Variants in RARA observed in about 807,000 individuals in gnomAD.
The protein encoded by RARA is PML-DDX5-RARA fusion.
In RARA, 5 loss-of-function variants were observed where a neutral mutation model predicts 42.8. The observed-to-expected ratio is 0.12, with a 90% confidence interval of 0.06 to 0.25. RARA has a LOEUF of 0.25. Ranked by LOEUF, RARA falls within the 10% of genes least tolerant of loss-of-function variation. The pLI, the probability that RARA is intolerant of heterozygous loss-of-function variation, is 1.00. For synonymous variants in RARA, 256 were observed against 259.5 expected (o/e 0.99, Z 0.13); for missense variants, 402 against 628.7 (o/e 0.64, Z 3.86).
intron 2 of RARA, chr17:40,342,047 G>C: frequency 9.4e-7 from 1 of 1,062,844 alleles, no homozygotes; most frequent in Non-Finnish European, 1.1e-6. Context: ...TCCCGCTGCA[G>C]CCGGACGCGC....
intron 1 of RARA, among the ~76,000 whole-genome samples, chr17:40,323,548 G>A (rs2033451255): frequency 6.6e-6 from 1 of 151,906 alleles, no homozygotes; most frequent in African/African-American, 2.4e-5. Flanking sequence ...TGCACACACA[G>A]CCTGCACCCG....
chr17:40,352,055 G>A lies in RARA; in HGVS notation c.615G>A (p.Leu205=), dbSNP rs777467407. 2 of 1,576,520 alleles carry A rather than the reference G, an allele frequency of 1.3e-6. No individual in the cohort carries two copies. The highest frequency in any genetic ancestry group is 1.7e-6 in the Non-Finnish European group (2 of 1,168,534). ...AAACCTTCCCTGCCCTCTGCCAGCT[G>A]GGCAAATACACTACGGTATGGCTTT... ...HQETFPALCQ[L]GKYTTNNSSE... The change falls in exon 5 of 9, where the codon CTG becomes CTA. Residue 205 remains leucine, a synonymous_variant. Transcript: ENST00000254066. This position sits in a 1 kb window ranked among gnomAD's most constrained non-coding sequence, Gnocchi z 4.9.
rs1341212838 is a variant in RARA at position 40,357,211 on chromosome 17, C to T, written c.*985C>T. On this transcript the variant is annotated 3_prime_UTR_variant, in exon 9 of 9. Transcript: ENST00000254066. ...CAGAGCTGCCTCCCGTCAGGGCCCA[C>T]ATCATCTAGGCTCCCCAGCCCCCAC... The T allele has an allele frequency of 8.4e-6, 2 of 239,064 alleles. No homozygotes were observed. The highest frequency in any genetic ancestry group is 1.6e-5 in the Non-Finnish European group (2 of 121,576). The allele number at this position is 239,064 out of a possible 1,614,324, so 14.8% of individuals were successfully genotyped here.
Position 40,350,023 on chromosome 17 carries a change from T to C in RARA, c.469+98T>C, listed in dbSNP as rs994443268. 56 of 1,529,318 alleles carry C rather than the reference T, an allele frequency of 3.7e-5. No homozygotes were observed. The Admixed American group carries it at 1.1e-3, about 29-fold the overall frequency. The allele number at this position is 1,529,318 out of a possible 1,614,324, so 94.7% of individuals were successfully genotyped here. A position where few individuals can be genotyped will look rare whatever the true frequency, so the allele number is the denominator to read the frequency against. On this transcript the variant is annotated intron_variant, in intron 4 of 8. Coordinates refer to ENST00000254066, the MANE Select transcript of RARA (RefSeq NM_000964.4). Reference sequence around the variant, plus strand: ...AGGGCTCTGTGGATGTTTGTGCACATGCATGAACACGCATGCCGTGGTGTG... The same window carrying C: ...AGGGCTCTGTGGATGTTTGTGCACACGCATGAACACGCATGCCGTGGTGTG...
intron 1 of RARA, 107 bp downstream of exon 1, chr17:40,309,393 C>T (rs2033053500): frequency 6.6e-6 from 1 of 152,614 alleles, no homozygotes; most frequent in Admixed American, 6.5e-5. Context: ...CCCCATCCCT[C>T]CTCTCCCGTC....
At position 40,354,508 on chromosome 17, in the gene RARA, TG is replaced by T; in HGVS notation, c.1012+5del. The T allele has an allele frequency of 7.2e-7, 1 of 1,389,114 alleles. No individual in the cohort carries two copies. Among genetic ancestry groups the T allele is most frequent in the Non-Finnish European group, 9.7e-7 (1 of 1,028,026 alleles). 86.0% of individuals were successfully genotyped at this position (1,389,114 alleles called of 1,614,324 possible). On this transcript the variant is annotated splice_donor_region_variant and intron_variant, in intron 7 of 8. Coordinates refer to ENST00000254066, the MANE Select transcript of RARA (RefSeq NM_000964.4). The surrounding 1 kb of genome is among the most constrained non-coding windows in gnomAD (Gnocchi z 4.5). ...GCGCCATCTGCCTCATCTGCGGAGGTGGGCAGGGGGCCTGGGTCTGGGGGCT... is the reference window on the plus strand; with the variant it reads ...GCGCCATCTGCCTCATCTGCGGAGGTGGCAGGGGGCCTGGGTCTGGGGGCT...
chr17:40,341,328 G>A (rs775017481), intron 2 of RARA: 75 of 1,405,564 alleles, frequency 5.3e-5, no homozygotes, highest in African/African-American at 7.5e-5. Context: ...GGCCCCCTCT[G>A]CCTGTGTTTG....
In RARA at chr17:40,327,737, C is replaced by G. The variant is rs150024342; in HGVS notation, c.-362-3120C>G. On this transcript the variant is annotated intron_variant, in intron 1 of 8. Transcript: ENST00000254066. ...GCCCACCCAGATGTTTTCTGTAGACCTGCATGCATGAGTTTGTATGTGTAT... is the reference window on the plus strand; with the variant it reads ...GCCCACCCAGATGTTTTCTGTAGACGTGCATGCATGAGTTTGTATGTGTAT... 1.1e-3 allele frequency among the ~76,000 whole-genome samples: 175 copies of G among 152,326 alleles called. 1 individual carries two copies. The East Asian group carries it at 0.025, about 22-fold the overall frequency.
At chr17:40,325,823 C>G (rs373696474) in intron 1 of RARA, among the ~76,000 whole-genome samples, 1 of 152,274 alleles carries the variant, frequency 6.6e-6, no homozygotes, top group African/African-American at 2.4e-5. Context: ...TCTTGGGAAC[C>G]GTTGTTTTGG....
intron 1 of RARA, among the ~76,000 whole-genome samples, chr17:40,328,813 G>A (rs1598547716): frequency 2.0e-5 from 3 of 152,158 alleles, no homozygotes; most frequent in Admixed American, 2.0e-4. Flanking sequence ...TTATTCGTCA[G>A]TTGATGGACT....
chr17:40,319,066 G>A (rs2033294679), intron 1 of RARA, among the ~76,000 whole-genome samples: 1 of 152,206 alleles, frequency 6.6e-6, no homozygotes, highest in African/African-American at 2.4e-5. Context: ...AGGGGAAGAC[G>A]GAATAGACTG....
intron 3 of RARA, 150 bp downstream of exon 3, chr17:40,348,614 CCA>C: frequency 2.0e-6 from 2 of 995,838 alleles, no homozygotes; most frequent in South Asian, 1.9e-5. Context: ...GGGACACCTA[CCA>C]CAGTTTCCCC....
At chr17:40,317,920 G>T (rs2033248620) in intron 1 of RARA, among the ~76,000 whole-genome samples, 1 of 152,068 alleles carries the variant, frequency 6.6e-6, no homozygotes, top group African/African-American at 2.4e-5. Flanking sequence ...TGTGTGGTTG[G>T]GGGGAAAGGA....
At position 40,345,916 on chromosome 17, in the gene RARA, G is replaced by A. The variant is rs1220852771; in HGVS notation, c.179-2400G>A. On this transcript the variant is annotated intron_variant, in intron 2 of 8. Coordinates refer to ENST00000254066, the MANE Select transcript of RARA (RefSeq NM_000964.4). The surrounding 1 kb of genome is among the most constrained non-coding windows in gnomAD (Gnocchi z 4.8). ...TGCTGGCTGGAGGCCTGGGGAGGTG[G>A]GGCATCGAGCTCTGGGTTCAAAGGG... Among the ~76,000 whole-genome samples, 2 of 152,184 alleles carry A rather than the reference G, an allele frequency of 1.3e-5. No individual in the cohort carries two copies. The highest frequency in any genetic ancestry group is 2.9e-5 in the Non-Finnish European group (2 of 68,030).
rs2034552229 is a variant in RARA at position 40,354,526 on chromosome 17, C to A, written c.1012+20C>A. ...GCGGAGGTGGGCAGGGGGCCTGGGT[C>A]TGGGGGCTGGGCTGGGACGGGGGTG... On this transcript the variant is annotated intron_variant, in intron 7 of 8. Coordinates refer to ENST00000254066, the MANE Select transcript of RARA (RefSeq NM_000964.4). This position sits in a 1 kb window ranked among gnomAD's most constrained non-coding sequence, Gnocchi z 4.5. 1 of 1,095,310 alleles carries A rather than the reference C, an allele frequency of 9.1e-7. No homozygotes were observed. The highest frequency in any genetic ancestry group is 1.2e-5 in the South Asian group (1 of 81,864). 67.8% of individuals were successfully genotyped at this position (1,095,310 alleles called of 1,614,324 possible).
rs2034213810 is a variant in RARA, at chr17:40,345,137, C to T, written c.179-3179C>T. On this transcript the variant is annotated intron_variant, in intron 2 of 8. Transcript: ENST00000254066. This position sits in a 1 kb window ranked among gnomAD's most constrained non-coding sequence, Gnocchi z 4.8. ...GATGTGGCTCCCCATCTGTCTCCCA[C>T]CAATCTCCGCCACTCACACCTCCGC... The T allele has an allele frequency of 6.5e-6, 1 of 153,774 alleles. No individual in the cohort carries two copies. Among genetic ancestry groups the T allele is most frequent in the African/African-American group, 2.4e-5 (1 of 41,460 alleles). 9.5% of individuals were successfully genotyped at this position (153,774 alleles called of 1,614,324 possible).
rs1367955388 is a variant in RARA, at chr17:40,331,213, C to T, written c.-6C>T. ...TCTGCCTCCCTTCTGACTGTGGCCGCTTGGCATGGCCAGCAACAGCAGCTC... is the reference window on the plus strand; with the variant it reads ...TCTGCCTCCCTTCTGACTGTGGCCGTTTGGCATGGCCAGCAACAGCAGCTC... On this transcript the variant is annotated 5_prime_UTR_variant, in exon 2 of 9. Coordinates refer to ENST00000254066, the MANE Select transcript of RARA (RefSeq NM_000964.4). 1.2e-6 allele frequency: 2 copies of T among 1,608,094 alleles called. No individual in the cohort carries two copies. Among genetic ancestry groups the T allele is most frequent in the Admixed American group, 1.7e-5 (1 of 59,678 alleles).
chr17:40,344,339 G>GT (rs1385017896), intron 2 of RARA, among the ~76,000 whole-genome samples: 2 of 152,122 alleles, frequency 1.3e-5, no homozygotes, highest in East Asian at 3.9e-4. Context: ...AGAAGAGAGA[G>GT]TGAGAGGATG....
chr17:40,344,712 G>A (rs529991264), intron 2 of RARA, among the ~76,000 whole-genome samples: 2 of 152,338 alleles, frequency 1.3e-5, no homozygotes, highest in African/African-American at 2.4e-5. Flanking sequence ...TCCAGTTCCC[G>A]TAGTCTGAGC....
Sources: gnomAD v4.1 joint callset for allele counts (sites outside exome capture counted in the v4.1 genomes callset) on GRCh38, gnomAD v4.1.1 for gene constraint, Gnocchi (gnomAD v3.1) non-coding constraint, MANE v1.5 for transcripts, NCBI Gene and HGNC (gene_info 2026-07-23, HGNC 2026-07-21) for gene names.